Variants in TLR2 observed in about 807,000 individuals in gnomAD.
The protein encoded by TLR2 is toll-like receptor 2.
A neutral mutation model predicts 9.1 loss-of-function variants in TLR2; 7 were observed. The observed-to-expected ratio is 0.77, with a 90% confidence interval of 0.44 to 1.44. The LOEUF (loss-of-function observed/expected upper bound fraction) is 1.44. Among genes scored for constraint, TLR2 ranks in the 40% most tolerant of loss-of-function variants. The pLI is 0.01. For missense variants in TLR2, 812 were observed against 904.6 expected, an observed-to-expected ratio of 0.90 and a Z score of 1.31; for synonymous variants, 317 against 344.6, an observed-to-expected ratio of 0.92 and a Z score of 0.89.
intron 2 of TLR2, among the ~76,000 whole-genome samples, chr4:153,696,812 T>C (rs80215628): frequency 0.03 from 4,583 of 151,890 alleles, 104 homozygotes; most frequent in Non-Finnish European, 0.043. Context: ...GATGATTGCT[T>C]AATGCCAGGA....
rs200686000 is a variant in TLR2 at position 153,703,320 on chromosome 4, C to T, written c.413C>T (p.Thr138Ile). Residue 138 changes from threonine to isoleucine, a missense_variant, in exon 3 of 3, where the codon ACC becomes ATC. Thr to Ile is a moderately conservative substitution (Grantham distance 89). Coordinates refer to ENST00000642700, the MANE Select transcript of TLR2 (RefSeq NM_001318789.2). ...AACTTACTGGGAAATCCTTACAAAA[C>T]CCTAGGGGAAACATCTCTTTTTTCT... ...FLNLLGNPYK[T>I]LGETSLFSHL... 256 of 1,613,548 alleles carry T rather than the reference C, an allele frequency of 1.6e-4. No individual in the cohort carries two copies. Among genetic ancestry groups the T allele is most frequent in the Non-Finnish European group, 2.0e-4 (240 of 1,179,900 alleles).
chr4:153,709,687 A>G (rs541821526), downstream of TLR2, among the ~76,000 whole-genome samples: 19 of 152,350 alleles, frequency 1.2e-4, no homozygotes, highest in African/African-American at 3.6e-4. Flanking sequence ...GAGTGCCACA[A>G]TGGAATGACT....
In TLR2 at chr4:153,687,597, C is replaced by CT. The variant is rs72225566; in HGVS notation, c.-162-296dup. ...AACAAACTGAAACCTAACTTAGGAG[C>CT]TTTTTTTTTGTAATTAATAGCTAAA... On this transcript the variant is annotated intron_variant, in intron 1 of 2. Coordinates refer to ENST00000642700, the MANE Select transcript of TLR2 (RefSeq NM_001318789.2). Among the ~76,000 whole-genome samples the CT allele has an allele frequency of 0.014, 31 of 2,168 alleles. No homozygotes were observed. In the East Asian group the frequency reaches 0.19, roughly 13 times the overall value. The allele number at this position is 2,168 out of a possible 152,430, so 1.4% of individuals were successfully genotyped here. A position where few individuals can be genotyped will look rare whatever the true frequency, so the allele number is the denominator to read the frequency against.
intron 2 of TLR2, among the ~76,000 whole-genome samples, chr4:153,698,458 T>G (rs769358976): frequency 6.6e-6 from 1 of 152,118 alleles, no homozygotes; most frequent in Admixed American, 6.6e-5. Context: ...TGATATAAAT[T>G]TAGTGTTAAA....
chr4:153,710,600 G>C, downstream of TLR2: 2 of 1,053,874 alleles, frequency 1.9e-6, no homozygotes, highest in Non-Finnish European at 2.8e-6. Context: ...TTCCTTTCTT[G>C]TTAATTCTAT....
chr4:153,692,188 C>G (rs1279003222), intron 2 of TLR2, among the ~76,000 whole-genome samples: 1 of 152,162 alleles, frequency 6.6e-6, no homozygotes, highest in Admixed American at 6.5e-5. Context: ...AGTAAAGAAA[C>G]AGTCTTTTAA....
chr4:153,685,037 G>A (rs1735601136), intron 1 of TLR2, among the ~76,000 whole-genome samples: 1 of 151,780 alleles, frequency 6.6e-6, no homozygotes, highest in African/African-American at 2.4e-5. Flanking sequence ...TGGCTCAGAG[G>A]TGGGAAAGGT....
At chr4:153,702,760 CTTTGTGTGTGTGTGTGTG>C (rs1560748634) in intron 2 of TLR2, 114 bp from the exon 3 acceptor site, 1 of 392,302 alleles carries the variant, frequency 2.5e-6, no homozygotes, top group Non-Finnish European at 4.0e-6. Context: ...CTCTCTCTCT[CTTTGTGTGTGTGTGTGTG>C]TGTGTGTGTG....
In TLR2 at chr4:153,705,253, A is replaced by G; in HGVS notation, c.2346A>G (p.Ile782Met). 6.3e-7 allele frequency: 1 copy of G among 1,582,524 alleles called. No individual in the cohort carries two copies. Among genetic ancestry groups the G allele is most frequent in the Non-Finnish European group, 8.6e-7 (1 of 1,162,876 alleles). The change falls in exon 3 of 3, where the codon ATA becomes ATG. Residue 782 changes from isoleucine to methionine, a missense_variant. Coordinates refer to ENST00000642700, the MANE Select transcript of TLR2 (RefSeq NM_001318789.2). Reference sequence around the variant, plus strand: ...TTTGGGTAAATCTGAGAGCTGCGATAAAGTCCTAGGTTCCCATATTTAAGA... The same window carrying G: ...TTTGGGTAAATCTGAGAGCTGCGATGAAGTCCTAGGTTCCCATATTTAAGA... ...EGFWVNLRAA[I>M]KS
chr4:153,701,821 A>T (rs1340673560), intron 2 of TLR2: 1 of 152,196 alleles, frequency 6.6e-6, no homozygotes, highest in Non-Finnish European at 1.5e-5. Flanking sequence ...GAACACAAAA[A>T]TTCTGGCTTC....
chr4:153,710,310 A>G (rs1374151594), downstream of TLR2: 2 of 1,352,160 alleles, frequency 1.5e-6, no homozygotes, highest in African/African-American at 2.9e-5. Context: ...AAAAATTAAT[A>G]TTAAATGTTG....
intron 2 of TLR2, among the ~76,000 whole-genome samples, chr4:153,695,150 C>T (rs1736402312): frequency 6.6e-6 from 1 of 152,128 alleles, no homozygotes; most frequent in South Asian, 2.1e-4. Context: ...GCAGATATCT[C>T]CTTGATATAT....
chr4:153,703,125 A>G lies in TLR2; in HGVS notation c.218A>G (p.Gln73Arg). 7 of 1,614,190 alleles carry G rather than the reference A, an allele frequency of 4.3e-6. No individual in the cohort carries two copies. Among genetic ancestry groups the G allele is most frequent in the Non-Finnish European group, 5.9e-6 (7 of 1,180,042 alleles). The stretch of plus-strand genomic sequence containing the variant: ...ACCTACATTAGCAACAGTGACCTAC[A>G]GAGGTGTGTGAACCTCCAGGCTCTG... ...RITYISNSDL[Q>R]RCVNLQALVL... The change falls in exon 3 of 3, where the codon CAG becomes CGG. Residue 73 changes from glutamine to arginine, a missense_variant. By Grantham distance (43) the Gln-to-Arg change is conservative. Coordinates refer to ENST00000642700, the MANE Select transcript of TLR2 (RefSeq NM_001318789.2).
At chr4:153,696,371 G>A (rs918207985) in intron 2 of TLR2, among the ~76,000 whole-genome samples, 11 of 152,060 alleles carry the variant, frequency 7.2e-5, no homozygotes, top group African/African-American at 2.6e-4. Flanking sequence ...AGTGTTTATA[G>A]TGTTTCTTTC....
chr4:153,687,372 GT>G (rs1260703648), intron 1 of TLR2, among the ~76,000 whole-genome samples: 1 of 152,152 alleles, frequency 6.6e-6, no homozygotes, highest in East Asian at 1.9e-4. Context: ...CAAGTCAGAA[GT>G]TGATTTTTTG....
Position 153,704,933 on chromosome 4 carries a change from A to G in TLR2, c.2026A>G (p.Lys676Glu), listed in dbSNP as rs756161537. 10 of 1,613,100 alleles carry G rather than the reference A, an allele frequency of 6.2e-6. No individual in the cohort carries two copies. In the East Asian group the frequency reaches 1.1e-4, roughly 18 times the overall value. Residue 676 changes from lysine to glutamate, a missense_variant, in exon 3 of 3, where the codon AAG (lysine) becomes GAG (glutamate). Coordinates refer to ENST00000642700, the MANE Select transcript of TLR2 (RefSeq NM_001318789.2). ...TCCCCCCTTCAAGTTGTGTCTTCAT[A>G]AGCGGGACTTCATTCCTGGCAAGTG... ...FNPPFKLCLH[K>E]RDFIPGKWII...
At chr4:153,700,522 A>G (rs891372553) in intron 2 of TLR2, among the ~76,000 whole-genome samples, 3 of 152,234 alleles carry the variant, frequency 2.0e-5, no homozygotes, top group Admixed American at 6.5e-5. Context: ...CTATAGATTC[A>G]AAACATTGCC....
At chr4:153,687,143 T>C (rs1447781365) in intron 1 of TLR2, among the ~76,000 whole-genome samples, 1 of 151,794 alleles carries the variant, frequency 6.6e-6, no homozygotes, top group Non-Finnish European at 1.5e-5. Flanking sequence ...ATGAAAAAAA[T>C]TACATATAAA....
intron 1 of TLR2, among the ~76,000 whole-genome samples, chr4:153,686,197 C>G (rs893598454): frequency 8.0e-4 from 121 of 152,166 alleles, no homozygotes; most frequent in Non-Finnish European, 8.8e-5. Context: ...CCACTGCACT[C>G]CAGCCTGGGT....
Sources: gnomAD v4.1 joint callset for allele counts (sites outside exome capture counted in the v4.1 genomes callset) on GRCh38, gnomAD v4.1.1 for gene constraint, MANE v1.5 for transcripts, NCBI Gene and HGNC (gene_info 2026-07-23, HGNC 2026-07-21) for gene names.